DNAH10: variants seen among roughly 807,000 people sequenced by gnomAD.
DNAH10 encodes the protein dynein axonemal heavy chain 10, also known as axonemal beta dynein heavy chain 10.
Under a neutral mutation model 506.6 loss-of-function variants are expected in DNAH10, and 348 were observed. The observed-to-expected ratio is 0.69, with a 90% CI of 0.63 to 0.75. The LOEUF is 0.75. DNAH10 is among the 30% of genes least tolerant of loss of function. DNAH10 has a pLI of 0.00. For synonymous variants in DNAH10, 2,059 were observed against 2,198.6 expected (o/e 0.94, Z 1.78); for missense variants, 5,179 against 5,787.1 (o/e 0.89, Z 3.41).
chr12:123,923,715 TA>T, intron 65 of DNAH10, 47 bp from the exon 66 acceptor site: 2 of 1,428,464 alleles, frequency 1.4e-6, no homozygotes, highest in Non-Finnish European at 1.9e-6. Context: ...CTCAGTTTTT[TA>T]AAAATGAATT....
chr12:123,926,283 ACAAAACT>A lies in DNAH10; in HGVS notation c.11922-343_11922-337del, dbSNP rs1954939666. ...AAAAGAAAAAACCCACACACAAAACACAAAACTCAAAACTCAAGATGTGGACCATTCA... is the reference window on the plus strand; with the variant it reads ...AAAAGAAAAAACCCACACACAAAACACAAAACTCAAGATGTGGACCATTCA... On this transcript the variant is annotated intron_variant, in intron 68 of 78. Transcript: ENST00000673944. The surrounding 1 kb of genome is among the most constrained non-coding windows in gnomAD (Gnocchi z 4.1). 6 of 251,754 alleles carry A rather than the reference ACAAAACT, an allele frequency of 2.4e-5. No homozygotes were observed. The highest frequency in any genetic ancestry group is 2.3e-4 in the East Asian group (3 of 13,328). The allele number at this position is 251,754 out of a possible 1,614,324, so 15.6% of individuals were successfully genotyped here.
intron 33 of DNAH10, among the ~76,000 whole-genome samples, chr12:123,848,369 T>A (rs140187346): frequency 4.6e-5 from 7 of 152,274 alleles, no homozygotes; most frequent in African/African-American, 1.7e-4. Flanking sequence ...AGTGGTGGGA[T>A]CTGTGGCTAA....
intron 36 of DNAH10, among the ~76,000 whole-genome samples, chr12:123,855,578 G>A (rs1246739202): frequency 6.7e-6 from 1 of 149,744 alleles, no homozygotes; most frequent in African/African-American, 2.5e-5. Context: ...AGGCTGCAAT[G>A]AGCCGAGATG....
intron 1 of DNAH10, 138 bp from the exon 2 acceptor site, chr12:123,767,468 G>C (rs1191967615): frequency 4.0e-6 from 3 of 753,272 alleles, no homozygotes; most frequent in Non-Finnish European, 6.5e-6. Context: ...AAGGAATACT[G>C]CTGTACCACT....
At chr12:123,826,136 A>G (rs1380495492) in intron 24 of DNAH10, among the ~76,000 whole-genome samples, 2 of 151,962 alleles carry the variant, frequency 1.3e-5, no homozygotes, top group East Asian at 3.9e-4. Context: ...AAAAATAAAA[A>G]TAATAATTTT....
At chr12:123,923,213 C>T (rs1399680637) in intron 65 of DNAH10, 1 of 152,206 alleles carries the variant, frequency 6.6e-6, no homozygotes, top group African/African-American at 2.4e-5. Flanking sequence ...TGGCCCACTG[C>T]CTGCTTTTGT....
chr12:123,900,397 G>T (rs1478308320), intron 56 of DNAH10, among the ~76,000 whole-genome samples: 1 of 152,174 alleles, frequency 6.6e-6, no homozygotes, highest in Non-Finnish European at 1.5e-5. Context: ...GAGAGTGGGG[G>T]CTAGAAACCG....
chr12:123,808,750 C>T, intron 18 of DNAH10, 47 bp from the exon 19 acceptor site: 3 of 1,598,222 alleles, frequency 1.9e-6, no homozygotes, highest in Non-Finnish European at 2.6e-6. Context: ...TGGTGTATTT[C>T]ACTCTAGTGA....
rs537030870 is a variant in DNAH10, at chr12:123,901,573, CCTG to C, written c.9641-1361_9641-1359del. On this transcript the variant is annotated intron_variant, in intron 56 of 78. Coordinates refer to ENST00000673944, the MANE Select transcript of DNAH10 (RefSeq NM_001372106.1). ...GCAGCCAGCATCTGTTTGTAGAAGG[CCTG>C]CTGCATTCATCTCCCGGGGCTGCTC... Among the ~76,000 whole-genome samples the C allele has an allele frequency of 4.8e-3, 735 of 152,364 alleles. 4 individuals carry two copies. The highest frequency in any genetic ancestry group is 8.0e-3 in the Non-Finnish European group (546 of 68,032).
rs1462457664 is a variant in DNAH10 at position 123,925,474 on chromosome 12, C to A, written c.11921+270C>A. 1 of 348,718 alleles carries A rather than the reference C, an allele frequency of 2.9e-6. No homozygotes were observed. Among genetic ancestry groups the A allele is most frequent in the Non-Finnish European group, 5.1e-6 (1 of 195,526 alleles). 21.6% of individuals were successfully genotyped at this position (348,718 alleles called of 1,614,324 possible). Reference sequence around the variant, plus strand: ...AAATGGGCGCAATTAATTGTAATAACATTTTATTTAAATGAATATATTAAA... The same window carrying A: ...AAATGGGCGCAATTAATTGTAATAAAATTTTATTTAAATGAATATATTAAA... On this transcript the variant is annotated intron_variant, in intron 68 of 78. Coordinates refer to ENST00000673944, the MANE Select transcript of DNAH10 (RefSeq NM_001372106.1). This position sits in a 1 kb window ranked among gnomAD's most constrained non-coding sequence, Gnocchi z 4.0.
At chr12:123,770,268 A>T (rs12369137) in intron 2 of DNAH10, among the ~76,000 whole-genome samples, 90,170 of 151,102 alleles carry the variant, frequency 0.6, 28,000 homozygotes, top group East Asian at 0.9. Flanking sequence ...TTTTTTTAAA[A>T]TTTTTTTTGT....
At chr12:123,847,814 C>A in intron 32 of DNAH10, 147 bp from the exon 33 acceptor site, 1 of 1,065,532 alleles carries the variant, frequency 9.4e-7, no homozygotes, top group Non-Finnish European at 1.3e-6. Flanking sequence ...ACCTGGGCAT[C>A]CTGTGGCCCA....
intron 2 of DNAH10, among the ~76,000 whole-genome samples, chr12:123,768,107 G>T (rs898313857): frequency 6.6e-6 from 1 of 150,856 alleles, no homozygotes; most frequent in Non-Finnish European, 1.5e-5. Flanking sequence ...TTTCTTCTCC[G>T]TGTGTCCTCT....
chr12:123,772,851 C>G lies in DNAH10; in HGVS notation c.414C>G (p.Ile138Met). 6.2e-7 allele frequency: 1 copy of G among 1,606,412 alleles called. No individual in the cohort carries two copies. The highest frequency in any genetic ancestry group is 2.2e-5 in the East Asian group (1 of 44,806). ...TGTTTCAGAGAACTGCGAAGCACAT[C>G]ATGGAAAAGATGCATCTCCACATGC... ...KLPSKRTAKH[I>M]MEKMHLHMLC... The change falls in exon 4 of 79, where the codon ATC (isoleucine) becomes ATG (methionine). Residue 138 changes from isoleucine to methionine, a missense_variant. Physicochemically the swap from Ile to Met is conservative, Grantham distance 10. Coordinates refer to ENST00000673944, the MANE Select transcript of DNAH10 (RefSeq NM_001372106.1).
chr12:123,877,144 G>A lies in DNAH10; in HGVS notation c.8200-592G>A, dbSNP rs573504554. Among the ~76,000 whole-genome samples, 8 of 152,226 alleles carry A rather than the reference G, an allele frequency of 5.3e-5. No homozygotes were observed. In the East Asian group the frequency reaches 1.5e-3, roughly 29 times the overall value. On this transcript the variant is annotated intron_variant, in intron 47 of 78. Coordinates refer to ENST00000673944, the MANE Select transcript of DNAH10 (RefSeq NM_001372106.1). Reference sequence around the variant, plus strand: ...ACTCCCATCCCACCTCTCATTCCCAGGAACCGTGACTCTACCTTCTGTCTC... The same window carrying A: ...ACTCCCATCCCACCTCTCATTCCCAAGAACCGTGACTCTACCTTCTGTCTC...
intron 25 of DNAH10, among the ~76,000 whole-genome samples, chr12:123,827,361 G>A (rs1352419326): frequency 6.6e-6 from 1 of 152,142 alleles, no homozygotes; most frequent in African/African-American, 2.4e-5. Flanking sequence ...ATTTATTCAT[G>A]AGATATTTTA....
chr12:123,924,644 A>G (rs910960061), intron 67 of DNAH10, among the ~76,000 whole-genome samples: 3 of 150,208 alleles, frequency 2.0e-5, no homozygotes, highest in Non-Finnish European at 4.4e-5. Flanking sequence ...CCGTCCGTCC[A>G]TCCATCCATC....
At chr12:123,904,889 G>A (rs373274303) in intron 57 of DNAH10, among the ~76,000 whole-genome samples, 17 of 152,120 alleles carry the variant, frequency 1.1e-4, no homozygotes, top group African/African-American at 1.7e-4. Flanking sequence ...AAAAGCCCAC[G>A]GCCACTGTGT....
intron 19 of DNAH10, among the ~76,000 whole-genome samples, chr12:123,810,100 GT>G (rs1340518371): frequency 6.6e-6 from 1 of 152,206 alleles, no homozygotes; most frequent in African/African-American, 2.4e-5. Flanking sequence ...GACCTTGAGT[GT>G]TTTGTTCCCT....
Sources: gnomAD v4.1 joint callset for allele counts (sites outside exome capture counted in the v4.1 genomes callset) on GRCh38, gnomAD v4.1.1 for gene constraint, Gnocchi (gnomAD v3.1) non-coding constraint, MANE v1.5 for transcripts, NCBI Gene and HGNC (gene_info 2026-07-23, HGNC 2026-07-21) for gene names.